Variants in TOX3 observed in about 807,000 individuals in gnomAD.
TOX3 encodes TOX high mobility group box family member 3.
Under a neutral mutation model 64.3 loss-of-function variants are expected in TOX3, and 22 were observed. The ratio of observed to expected loss-of-function variants is 0.34; its 90% CI spans 0.24 to 0.49. The LOEUF (loss-of-function observed/expected upper bound fraction) is 0.49. Ranked by LOEUF, TOX3 falls within the 20% of genes least tolerant of loss-of-function variation. The pLI is 0.99. For synonymous variants in TOX3, 291 were observed against 273.6 expected, an observed-to-expected ratio of 1.06 and a Z score of -0.63; for missense variants, 661 against 714.4, an observed-to-expected ratio of 0.93 and a Z score of 0.85.
chr16:52,468,891 G>A (rs963146576), intron 1 of TOX3, among the ~76,000 whole-genome samples: 2 of 152,148 alleles, frequency 1.3e-5, no homozygotes, highest in Admixed American at 6.5e-5. Context: ...AGAGGTGAGA[G>A]GGAAAAGAGT....
chr16:52,536,143 C>G (rs1003020280), intron 1 of TOX3, among the ~76,000 whole-genome samples: 10 of 152,106 alleles, frequency 6.6e-5, no homozygotes, highest in African/African-American at 2.4e-4. Context: ...AGTAAATACA[C>G]CCCCTATCCT....
chr16:52,453,568 A>G (rs536300742), intron 3 of TOX3, among the ~76,000 whole-genome samples: 17 of 152,176 alleles, frequency 1.1e-4, no homozygotes, highest in Non-Finnish European at 2.1e-4. Flanking sequence ...GCACATTTAA[A>G]TGAAGTATTT....
chr16:52,502,487 T>G (rs1962030489), intron 1 of TOX3, among the ~76,000 whole-genome samples: 1 of 152,172 alleles, frequency 6.6e-6, no homozygotes, highest in African/African-American at 2.4e-5. Context: ...ATTGAGAAAC[T>G]AATTCAATAG....
chr16:52,499,637 G>A (rs560446472), intron 1 of TOX3, among the ~76,000 whole-genome samples: 1 of 152,146 alleles, frequency 6.6e-6, no homozygotes, highest in Non-Finnish European at 1.5e-5. Flanking sequence ...AAAACCAGTT[G>A]TGATTATTTC....
intron 1 of TOX3, among the ~76,000 whole-genome samples, chr16:52,490,103 A>C (rs1961637585): frequency 6.6e-6 from 1 of 152,038 alleles, no homozygotes; most frequent in Non-Finnish European, 1.5e-5. Flanking sequence ...GCAGTATGCC[A>C]AGGTAGGAGG....
chr16:52,482,673 G>A (rs1477841670), intron 1 of TOX3, among the ~76,000 whole-genome samples: 1 of 152,000 alleles, frequency 6.6e-6, no homozygotes, highest in African/African-American at 2.4e-5. Flanking sequence ...AAAAAGGGAG[G>A]GGGGACACAC....
intron 1 of TOX3, among the ~76,000 whole-genome samples, chr16:52,513,502 C>G (rs1347553654): frequency 6.6e-6 from 1 of 152,100 alleles, no homozygotes; most frequent in East Asian, 1.9e-4. Flanking sequence ...ACACTAAAAC[C>G]TAAAGTCTCC....
intron 1 of TOX3, among the ~76,000 whole-genome samples, chr16:52,526,781 C>T (rs1962736998): frequency 6.6e-6 from 1 of 152,164 alleles, no homozygotes; most frequent in Non-Finnish European, 1.5e-5. Flanking sequence ...AAAAGCTGGC[C>T]TACAACAATA....
intron 1 of TOX3, among the ~76,000 whole-genome samples, chr16:52,489,391 G>A (rs145323581): frequency 1.6e-3 from 239 of 152,072 alleles, no homozygotes; most frequent in African/African-American, 5.2e-3. Context: ...TATTTAATGC[G>A]CTGTGATCAT....
chr16:52,459,877 A>G (rs1196062392), intron 3 of TOX3, among the ~76,000 whole-genome samples: 1 of 152,146 alleles, frequency 6.6e-6, no homozygotes, highest in Non-Finnish European at 1.5e-5. Context: ...ATAATAATTC[A>G]ACTTCAAAAT....
At chr16:52,495,594 A>T in intron 1 of TOX3, among the ~76,000 whole-genome samples, 1 of 152,204 alleles carries the variant, frequency 6.6e-6, no homozygotes, top group East Asian at 1.9e-4. Flanking sequence ...TTTTAAAATC[A>T]CACAGCACAT....
chr16:52,529,081 G>T (rs770606180), intron 1 of TOX3, among the ~76,000 whole-genome samples: 115 of 152,282 alleles, frequency 7.6e-4, no homozygotes, highest in Non-Finnish European at 1.3e-3. Context: ...GTAAAATCTA[G>T]ATCAATGCTG....
intron 3 of TOX3, among the ~76,000 whole-genome samples, chr16:52,453,268 C>CCA (rs1567314328): frequency 6.6e-6 from 1 of 151,320 alleles, no homozygotes; most frequent in Admixed American, 6.6e-5. Context: ...ACTGCAACCT[C>CCA]CACCTCCCAG....
intron 1 of TOX3, among the ~76,000 whole-genome samples, chr16:52,500,841 A>C (rs1031231656): frequency 6.6e-6 from 1 of 152,216 alleles, no homozygotes; most frequent in Admixed American, 6.5e-5. Context: ...TGTGTGCCTA[A>C]GTCAGTAAAA....
chr16:52,502,186 C>A (rs540607076), intron 1 of TOX3, among the ~76,000 whole-genome samples: 3 of 152,228 alleles, frequency 2.0e-5, no homozygotes, highest in Admixed American at 6.5e-5. Context: ...AGGCTGTATG[C>A]AGCACCAGGA....
chr16:52,450,607 T>A, intron 3 of TOX3, 61 bp from the exon 4 acceptor site: 2 of 1,601,892 alleles, frequency 1.2e-6, no homozygotes, highest in South Asian at 1.1e-5. Context: ...AGTGAACTTA[T>A]CAGGTTAGCA....
chr16:52,485,965 G>A (rs181941750), intron 1 of TOX3, among the ~76,000 whole-genome samples: 18 of 152,346 alleles, frequency 1.2e-4, no homozygotes, highest in Admixed American at 1.2e-3. Flanking sequence ...CACAGGGGAA[G>A]CTGAACAGAA....
intron 6 of TOX3, among the ~76,000 whole-genome samples, 159 bp downstream of exon 6, chr16:52,444,117 T>C (rs1177529208): frequency 8.5e-5 from 13 of 152,204 alleles, no homozygotes; most frequent in Admixed American, 8.5e-4. Context: ...TTTCAGATCA[T>C]CACTTGGGTA....
chr16:52,459,007 A>C (rs1960609859), intron 3 of TOX3, among the ~76,000 whole-genome samples: 1 of 152,194 alleles, frequency 6.6e-6, no homozygotes, highest in African/African-American at 2.4e-5. Context: ...CAAACAGTAT[A>C]ATCAATCTCT....
Sources: allele counts gnomAD v4.1 joint callset (sites outside exome capture counted in the v4.1 genomes callset), GRCh38; gene constraint gnomAD v4.1.1; transcripts MANE v1.5; gene names NCBI Gene and HGNC (gene_info 2026-07-23, HGNC 2026-07-21).